Variants in ITCH observed in about 807,000 individuals in gnomAD.
The protein encoded by ITCH is itchy E3 ubiquitin protein ligase.
A neutral mutation model predicts 126.8 loss-of-function variants in ITCH; 28 were observed. The observed-to-expected ratio is 0.22, with a 90% CI of 0.16 to 0.30. The LOEUF (loss-of-function observed/expected upper bound fraction) is 0.30. Among genes scored for constraint, ITCH ranks in the 10% least tolerant of loss-of-function variants. ITCH has a pLI of 1.00. For synonymous variants in ITCH, 342 were observed against 340.0 expected (o/e 1.01, Z -0.06); for missense variants, 631 against 1,032.4 (o/e 0.61, Z 5.33).
intron 5 of ITCH, among the ~76,000 whole-genome samples, chr20:34,413,112 T>C (rs1056763501): frequency 6.6e-6 from 1 of 152,138 alleles, no homozygotes; most frequent in Non-Finnish European, 1.5e-5. Flanking sequence ...TTTGAACTCC[T>C]GGCCTCAAGT....
chr20:34,486,449 C>G (rs1214823083), intron 20 of ITCH, among the ~76,000 whole-genome samples: 2 of 151,650 alleles, frequency 1.3e-5, no homozygotes, highest in African/African-American at 4.8e-5. Context: ...CCTCAGCCTC[C>G]CGAGCAGCTG....
Position 34,462,111 on chromosome 20 carries a change from C to T in ITCH, c.1314C>T (p.Pro438=), listed in dbSNP as rs769719844. The T allele has an allele frequency of 1.9e-6, 3 of 1,613,672 alleles. No individual in the cohort carries two copies. Among genetic ancestry groups the T allele is most frequent in the East Asian group, 4.5e-5 (2 of 44,860 alleles). Residue 438 remains proline, a synonymous_variant, in exon 14 of 25, where the codon CCC becomes CCT. Transcript: ENST00000374864. ...TTCGTAGTCAATTAAATGAAAAGCC[C>T]TTACCTGAAGGTTGGGAAATGAGAT... The part of the protein sequence containing the change: ...PRSQGQLNEK[P]LPEGWEMRFT...
At chr20:34,444,993 CCT>C (rs1984262513) in intron 10 of ITCH, among the ~76,000 whole-genome samples, 2 of 152,054 alleles carry the variant, frequency 1.3e-5, no homozygotes. Flanking sequence ...AATTTGTGTC[CCT>C]GTTATGATTG....
At chr20:34,446,762 G>C (rs913132283) in intron 11 of ITCH, among the ~76,000 whole-genome samples, 3 of 152,132 alleles carry the variant, frequency 2.0e-5, no homozygotes, top group Non-Finnish European at 2.9e-5. Flanking sequence ...GTTTCCACAT[G>C]GGTGTTCAGT....
chr20:34,502,100 T>C (rs1469427400), intron 23 of ITCH, among the ~76,000 whole-genome samples: 1 of 152,174 alleles, frequency 6.6e-6, no homozygotes, highest in Non-Finnish European at 1.5e-5. Context: ...ACACAGAAGT[T>C]GTATGGTTTA....
chr20:34,421,901 C>T (rs963867421), intron 6 of ITCH, among the ~76,000 whole-genome samples: 3 of 152,050 alleles, frequency 2.0e-5, no homozygotes, highest in Non-Finnish European at 4.4e-5. Context: ...CATGCATCCT[C>T]CCACTTTGGG....
intron 2 of ITCH, among the ~76,000 whole-genome samples, chr20:34,388,996 A>G (rs1229000229): frequency 6.6e-6 from 1 of 152,076 alleles, no homozygotes; most frequent in East Asian, 1.9e-4. Context: ...TATAAATACA[A>G]TCATCCCTTG....
At chr20:34,457,361 G>A (rs748259360) in intron 12 of ITCH, 29 bp from the exon 13 acceptor site, 3 of 1,500,736 alleles carry the variant, frequency 2.0e-6, no homozygotes, top group African/African-American at 1.4e-5. Flanking sequence ...CTAATGCTTT[G>A]CTTTCCCCTG....
chr20:34,387,091 T>A (rs1046893058), intron 2 of ITCH, among the ~76,000 whole-genome samples: 9 of 149,922 alleles, frequency 6.0e-5, no homozygotes, highest in Non-Finnish European at 1.2e-4. Flanking sequence ...TCACCTGAGG[T>A]CAGGCATTCG....
intron 2 of ITCH, among the ~76,000 whole-genome samples, chr20:34,382,353 A>G (rs2038095460): frequency 6.6e-6 from 1 of 152,212 alleles, no homozygotes; most frequent in Non-Finnish European, 1.5e-5. Context: ...TTGTTAATAA[A>G]GTGCATATAC....
At chr20:34,439,058 A>G (rs2146281821) in intron 8 of ITCH, among the ~76,000 whole-genome samples, 1 of 152,330 alleles carries the variant, frequency 6.6e-6, no homozygotes, top group Middle Eastern at 3.4e-3. Flanking sequence ...GTACACAACA[A>G]ACAAGCATAT....
Position 34,377,375 on chromosome 20 carries a change from A to G in ITCH, c.-22+7905A>G, listed in dbSNP as rs2037886804. ...GGCGACAGAGCGAGACCCTGTCTCA[A>G]AAAGAAAAAACCACCAAAGTAGTGT... is the stretch of plus-strand genomic sequence containing the variant. On this transcript the variant is annotated intron_variant, in intron 2 of 24. Transcript: ENST00000374864. Among the ~76,000 whole-genome samples, 4 of 152,166 alleles carry G rather than the reference A, an allele frequency of 2.6e-5. No homozygotes were observed. The South Asian group carries it at 6.2e-4, about 24-fold the overall frequency.
intron 17 of ITCH, among the ~76,000 whole-genome samples, chr20:34,478,169 G>T (rs1036656954): frequency 2.0e-5 from 3 of 152,278 alleles, no homozygotes; most frequent in Non-Finnish European, 4.4e-5. Context: ...AAATTGTAGA[G>T]CCTGGATGCA....
intron 2 of ITCH, among the ~76,000 whole-genome samples, chr20:34,390,174 C>G (rs1268956078): frequency 2.0e-5 from 3 of 151,872 alleles, no homozygotes; most frequent in Non-Finnish European, 4.4e-5. Context: ...AAGATGGCAT[C>G]ACTCTTGCAT....
intron 3 of ITCH, among the ~76,000 whole-genome samples, chr20:34,403,634 G>A (rs1281318352): frequency 6.6e-6 from 1 of 152,130 alleles, no homozygotes; most frequent in Non-Finnish European, 1.5e-5. Flanking sequence ...TGAGTTAAAT[G>A]AGTAAAAACT....
intron 13 of ITCH, among the ~76,000 whole-genome samples, chr20:34,458,037 G>A (rs1486251328): frequency 2.6e-5 from 4 of 152,118 alleles, no homozygotes; most frequent in Non-Finnish European, 5.9e-5. Flanking sequence ...TAATTACTAA[G>A]AACAGATTAG....
chr20:34,396,832 C>A (rs2038695249), intron 3 of ITCH, among the ~76,000 whole-genome samples: 1 of 151,994 alleles, frequency 6.6e-6, no homozygotes, highest in Admixed American at 6.6e-5. Context: ...TAATTAATAT[C>A]TCTGTCTTTA....
At chr20:34,436,963 C>T (rs751399171) in intron 7 of ITCH, among the ~76,000 whole-genome samples, 15 of 151,942 alleles carry the variant, frequency 9.9e-5, no homozygotes, top group East Asian at 1.9e-4. Flanking sequence ...CCTGTCTCTA[C>T]GAAATACACA....
At chr20:34,473,202 G>GCCAACAA (rs1713022448) in intron 16 of ITCH, among the ~76,000 whole-genome samples, 9 of 152,184 alleles carry the variant, frequency 5.9e-5, no homozygotes, top group Admixed American at 5.2e-4. Flanking sequence ...GGATAAAATT[G>GCCAACAA]CTCTGGGATA....
Sources: allele counts gnomAD v4.1 joint callset (sites outside exome capture counted in the v4.1 genomes callset), GRCh38; gene constraint gnomAD v4.1.1; transcripts MANE v1.5; gene names NCBI Gene and HGNC (gene_info 2026-07-23, HGNC 2026-07-21).